Variants in ADGRL3 observed in about 807,000 individuals in gnomAD.
ADGRL3 encodes the protein adhesion G protein-coupled receptor L3, also known as calcium-independent alpha-latrotoxin receptor 3.
ADGRL3 carries 62 observed loss-of-function variants against 153.5 expected under a neutral mutation model. The observed-to-expected ratio is 0.40, with a 90% CI of 0.33 to 0.50. The LOEUF (loss-of-function observed/expected upper bound fraction) is 0.50. Ranked by LOEUF, ADGRL3 falls within the 20% of genes least tolerant of loss-of-function variation. The probability of loss-of-function intolerance (pLI) is 0.47; values close to 1 mark genes in which losing one functional copy is unlikely to be tolerated. For synonymous variants in ADGRL3, 710 were observed against 672.5 expected, an observed-to-expected ratio of 1.06 and a Z score of -0.86; for missense variants, 1,641 against 1,859.4, an observed-to-expected ratio of 0.88 and a Z score of 2.16.
At chr4:61,700,851 G>C (rs896727866) in intron 6 of ADGRL3, among the ~76,000 whole-genome samples, 1 of 152,224 alleles carries the variant, frequency 6.6e-6, no homozygotes, top group Non-Finnish European at 1.5e-5. Flanking sequence ...GAATGAGCTA[G>C]GGAGAGAAAG....
chr4:61,215,287 T>A (rs1742119685), intron 1 of ADGRL3, among the ~76,000 whole-genome samples: 1 of 152,190 alleles, frequency 6.6e-6, no homozygotes, highest in African/African-American at 2.4e-5. Context: ...TATAACTGCA[T>A]GAATGTGCTT....
At chr4:61,724,874 G>T (rs183158563) in intron 6 of ADGRL3, among the ~76,000 whole-genome samples, 1 of 152,278 alleles carries the variant, frequency 6.6e-6, no homozygotes, top group East Asian at 1.9e-4. Context: ...GGAGACATGA[G>T]TTATTCAGCA....
At chr4:61,641,789 C>T (rs1477747961) in intron 5 of ADGRL3, among the ~76,000 whole-genome samples, 37 of 150,786 alleles carry the variant, frequency 2.5e-4, no homozygotes, top group African/African-American at 6.1e-4. Flanking sequence ...TATAGTCCTT[C>T]GGGTATATAC....
Position 62,070,498 on chromosome 4 carries a change from G to T in ADGRL3, c.4222G>T (p.Val1408Leu), listed in dbSNP as rs759066573. Reference protein sequence around the residue: ...ESDAPLLPPRVYSTENHQPHH... With the variant: ...ESDAPLLPPRLYSTENHQPHH... The stretch of plus-strand genomic sequence containing the variant: ...TGATGCTCCTTTGCTGCCCCCAAGA[G>T]TATACTCCACCGAGAACCACCAGCC... Residue 1408 changes from valine to leucine, a missense_variant, in exon 27 of 27, where the codon GTA becomes TTA. Val to Leu is a conservative substitution (Grantham distance 32, BLOSUM62 1). Around this residue, in one of 5 missense-constraint regions of ADGRL3, gnomAD observed 517 missense variants for 555.0 expected, o/e 0.93. Transcript: ENST00000683033. 1.3e-6 allele frequency: 2 copies of T among 1,548,586 alleles called. No individual in the cohort carries two copies. Among genetic ancestry groups the T allele is most frequent in the South Asian group, 2.4e-5 (2 of 83,834 alleles).
In ADGRL3 at chr4:61,694,176, A is replaced by ATTTTTTTTTTTTTTT. The variant is rs2095592928; in HGVS notation, c.583+17243_583+17244insTTTTTTTTTTTTTTT. On this transcript the variant is annotated intron_variant, in intron 6 of 26. Coordinates refer to ENST00000683033, the MANE Select transcript of ADGRL3 (RefSeq NM_001387552.1). ...TCCTATACTATTTTAAAATTTTGTC[A>ATTTTTTTTTTTTTTT]TTATTTTTTTTTTTTTTTTTTTTTT... Among the ~76,000 whole-genome samples, 5 of 94,694 alleles carry ATTTTTTTTTTTTTTT rather than the reference A, an allele frequency of 5.3e-5. 1 individual carries two copies. Among genetic ancestry groups the ATTTTTTTTTTTTTTT allele is most frequent in the Non-Finnish European group, 4.6e-5 (2 of 43,050 alleles). 62.1% of individuals were successfully genotyped at this position (94,694 alleles called of 152,430 possible).
intron 4 of ADGRL3, among the ~76,000 whole-genome samples, chr4:61,585,903 G>A: frequency 6.6e-6 from 1 of 151,732 alleles, no homozygotes; most frequent in East Asian, 1.9e-4. Flanking sequence ...AAATATGAAG[G>A]ACAAATGTTT....
chr4:61,605,089 C>CAAAAAAA lies in ADGRL3; in HGVS notation c.473+17668_473+17674dup, dbSNP rs71211396. ...TAGGCGACAGAGTGAGACTCTGTCTCAAAAAAAAAAAAAAAAAAAAAAAAA... is the reference window on the plus strand; with the variant it reads ...TAGGCGACAGAGTGAGACTCTGTCTCAAAAAAAAAAAAAAAAAAAAAAAAAAAAAAAA... On this transcript the variant is annotated intron_variant, in intron 5 of 26. Coordinates refer to ENST00000683033, the MANE Select transcript of ADGRL3 (RefSeq NM_001387552.1). 1.5e-4 allele frequency among the ~76,000 whole-genome samples: 9 copies of CAAAAAAA among 61,420 alleles called. No individual in the cohort carries two copies. The East Asian group carries it at 1.7e-3, about 11-fold the overall frequency. The allele number at this position is 61,420 out of a possible 152,430, so 40.3% of individuals were successfully genotyped here.
At chr4:61,666,335 G>A (rs190043481) in intron 5 of ADGRL3, among the ~76,000 whole-genome samples, 1 of 151,876 alleles carries the variant, frequency 6.6e-6, no homozygotes, top group East Asian at 1.9e-4. Context: ...CTAAAGGTTT[G>A]ATTCTGTTTC....
At chr4:61,410,649 G>A (rs2097075065) in intron 2 of ADGRL3, among the ~76,000 whole-genome samples, 1 of 152,168 alleles carries the variant, frequency 6.6e-6, no homozygotes, top group Admixed American at 6.5e-5. Flanking sequence ...TGGTGGACAG[G>A]TGATCTCCAA....
chr4:61,816,134 G>A (rs762446422), intron 9 of ADGRL3, among the ~76,000 whole-genome samples: 5 of 152,128 alleles, frequency 3.3e-5, no homozygotes, highest in Admixed American at 2.0e-4. Context: ...TGGTGACTTC[G>A]GTAGAATTCA....
chr4:61,448,826 A>AGGAAGG (rs1194629976), intron 2 of ADGRL3, among the ~76,000 whole-genome samples: 1 of 54,444 alleles, frequency 1.8e-5, no homozygotes, highest in Non-Finnish European at 3.5e-5. Context: ...GAAGGAAGGA[A>AGGAAGG]GAAGGGAGGG....
At chr4:61,736,188 T>C (rs974438924) in intron 8 of ADGRL3, among the ~76,000 whole-genome samples, 5 of 152,086 alleles carry the variant, frequency 3.3e-5, no homozygotes, top group African/African-American at 1.2e-4. Context: ...CCCCTCCATA[T>C]GTATGTATGT....
intron 1 of ADGRL3, among the ~76,000 whole-genome samples, chr4:61,369,359 T>C (rs1195791057): frequency 2.0e-5 from 3 of 152,210 alleles, no homozygotes; most frequent in Non-Finnish European, 4.4e-5. Flanking sequence ...TGAGATTGGC[T>C]GTGGGTTTGT....
intron 4 of ADGRL3, among the ~76,000 whole-genome samples, chr4:61,549,492 T>C (rs2098730578): frequency 6.6e-6 from 1 of 152,050 alleles, no homozygotes; most frequent in African/African-American, 2.4e-5. Flanking sequence ...GAGAACTTCC[T>C]CTGCTATCCT....
chr4:61,401,402 A>G (rs2096928822), intron 2 of ADGRL3, among the ~76,000 whole-genome samples: 1 of 151,990 alleles, frequency 6.6e-6, no homozygotes, highest in Admixed American at 6.6e-5. Context: ...ATTATATTAC[A>G]TTCCAGTGTG....
At chr4:61,846,253 G>T (rs987479288) in intron 9 of ADGRL3, among the ~76,000 whole-genome samples, 6 of 151,694 alleles carry the variant, frequency 4.0e-5, no homozygotes, top group African/African-American at 1.5e-4. Context: ...GAAGTTTGAG[G>T]CTGCAGTGAG....
chr4:61,522,100 G>A (rs1011887101), intron 4 of ADGRL3, among the ~76,000 whole-genome samples: 1 of 152,070 alleles, frequency 6.6e-6, no homozygotes, highest in Non-Finnish European at 1.5e-5. Flanking sequence ...GGGATATAGT[G>A]GAGCCAAGAT....
chr4:61,236,554 T>C (rs1240964415), intron 1 of ADGRL3, among the ~76,000 whole-genome samples: 1 of 152,162 alleles, frequency 6.6e-6, no homozygotes, highest in African/African-American at 2.4e-5. Flanking sequence ...TCCCCCTGAA[T>C]GTTATTCTAA....
chr4:61,642,980 G>T lies in ADGRL3; in HGVS notation c.474-33846G>T, dbSNP rs546321317. Among the ~76,000 whole-genome samples, 132 of 152,234 alleles carry T rather than the reference G, an allele frequency of 8.7e-4. 2 individuals are homozygous for T. The highest frequency in any genetic ancestry group is 3.1e-3 in the African/African-American group (129 of 41,528). ...TTATTTCCTTGAGCAGTGCTTTATA[G>T]TTCTCCTTGAAGAGGTCCTTCACGT... On this transcript the variant is annotated intron_variant, in intron 5 of 26. Transcript: ENST00000683033.
Sources: allele counts gnomAD v4.1 joint callset (sites outside exome capture counted in the v4.1 genomes callset), GRCh38; gene constraint gnomAD v4.1.1; regional missense constraint gnomAD v4.1.1; transcripts MANE v1.5; gene names NCBI Gene and HGNC (gene_info 2026-07-23, HGNC 2026-07-21).